EML4: variants seen among roughly 807,000 people sequenced by gnomAD.
EML4 encodes echinoderm microtubule-associated protein-like 4.
A neutral mutation model predicts 129.0 loss-of-function variants in EML4; 72 were observed. The ratio of observed to expected loss-of-function variants is 0.56; its 90% CI spans 0.46 to 0.68. EML4 has a LOEUF of 0.68. Among genes scored for constraint, EML4 ranks in the 30% least tolerant of loss-of-function variants. The pLI, the probability that EML4 is intolerant of heterozygous loss-of-function variation, is 0.00. For synonymous variants in EML4, 532 were observed against 405.0 expected, an observed-to-expected ratio of 1.31 and a Z score of -3.77; for missense variants, 1,363 against 1,190.6, an observed-to-expected ratio of 1.14 and a Z score of -2.13.
chr2:42,287,987 A>G (rs1476534906), intron 10 of EML4, among the ~76,000 whole-genome samples: 20 of 152,192 alleles, frequency 1.3e-4, no homozygotes, highest in Admixed American at 1.3e-3. Flanking sequence ...ACTAGATGGC[A>G]AGTGGAAATA....
intron 1 of EML4, among the ~76,000 whole-genome samples, chr2:42,198,695 G>C (rs952523387): frequency 3.3e-5 from 5 of 152,218 alleles, no homozygotes; most frequent in Admixed American, 3.3e-4. Context: ...GGAATTGAAA[G>C]CTGGAAGAGA....
At chr2:42,196,008 A>G (rs191009832) in intron 1 of EML4, among the ~76,000 whole-genome samples, 24 of 152,300 alleles carry the variant, frequency 1.6e-4, no homozygotes, top group African/African-American at 5.5e-4. Flanking sequence ...CTTCTATACT[A>G]TACATTGACC....
Position 42,230,859 on chromosome 2 carries a change from T to C in EML4, c.26-14646T>C, listed in dbSNP as rs543122886. 7.2e-5 allele frequency among the ~76,000 whole-genome samples: 11 copies of C among 152,346 alleles called. No individual in the cohort carries two copies. In the East Asian group the frequency reaches 1.2e-3, roughly 16 times the overall value. On this transcript the variant is annotated intron_variant, in intron 1 of 22. Coordinates refer to ENST00000318522, the MANE Select transcript of EML4 (RefSeq NM_019063.5). The stretch of plus-strand genomic sequence containing the variant: ...CTCTTCTCAGAAAAGGCTCATTCTT[T>C]GTCTTGTTTTTTCTATTTTAGCCCT...
chr2:42,245,565 C>T lies in EML4; in HGVS notation c.86C>T (p.Ser29Leu). The change falls in exon 2 of 23, where the codon TCA becomes TTA. Residue 29 changes from serine (S) to leucine (L), a missense_variant. Physicochemically the swap from Ser to Leu is moderately radical, Grantham distance 145 (BLOSUM62 -2). Transcript: ENST00000318522. The stretch of plus-strand genomic sequence containing the variant: ...CAAGATCGCCTGTCAGCTCTTGAGT[C>T]ACGAGTTCAGCAACAAGAAGATGAA... The part of the protein sequence containing the change: ...DVQDRLSALE[S>L]RVQQQEDEIT... The T allele has an allele frequency of 6.2e-7, 1 of 1,613,834 alleles. No individual in the cohort carries two copies. Among genetic ancestry groups the T allele is most frequent in the Non-Finnish European group, 8.5e-7 (1 of 1,179,862 alleles).
At chr2:42,274,760 A>G (rs978055594) in intron 6 of EML4, among the ~76,000 whole-genome samples, 3 of 152,190 alleles carry the variant, frequency 2.0e-5, no homozygotes, top group Admixed American at 2.0e-4. Context: ...AATTTGGGAC[A>G]CCTCGGAGTA....
chr2:42,267,334 A>G (rs1315933730), intron 6 of EML4, among the ~76,000 whole-genome samples: 7 of 152,204 alleles, frequency 4.6e-5, no homozygotes, highest in African/African-American at 1.7e-4. Flanking sequence ...TTGTATAGCT[A>G]TTTTAGAAGT....
intron 19 of EML4, among the ~76,000 whole-genome samples, chr2:42,324,188 A>G (rs1669670245): frequency 6.6e-6 from 1 of 151,694 alleles, no homozygotes; most frequent in Admixed American, 6.6e-5. Flanking sequence ...CCAGCTACTC[A>G]GGAGGCTGAG....
At chr2:42,325,392 G>T in intron 19 of EML4, 75 bp from the exon 20 acceptor site, 1 of 696,864 alleles carries the variant, frequency 1.4e-6, no homozygotes, top group Non-Finnish European at 2.6e-6. Flanking sequence ...TTCAGAAACA[G>T]TATTGGCTAG....
intron 6 of EML4, among the ~76,000 whole-genome samples, chr2:42,270,240 C>T (rs1437165810): frequency 6.6e-6 from 1 of 152,174 alleles, no homozygotes; most frequent in Admixed American, 6.5e-5. Flanking sequence ...AATACCTTCA[C>T]TAACTTGCTT....
intron 17 of EML4, among the ~76,000 whole-genome samples, chr2:42,310,806 A>T: frequency 6.6e-6 from 1 of 152,234 alleles, no homozygotes; most frequent in Non-Finnish European, 1.5e-5. Flanking sequence ...ATTTTTTTTT[A>T]ATTTGTAGAA....
intron 1 of EML4, among the ~76,000 whole-genome samples, chr2:42,175,860 T>G (rs1186950185): frequency 1.3e-5 from 2 of 152,206 alleles, no homozygotes; most frequent in African/African-American, 4.8e-5. Flanking sequence ...TAAATTATCT[T>G]TAGCCCATTT....
chr2:42,204,103 T>C lies in EML4; in HGVS notation c.25+34467T>C, dbSNP rs189946381. On this transcript the variant is annotated intron_variant, in intron 1 of 22. Transcript: ENST00000318522. The stretch of plus-strand genomic sequence containing the variant: ...CCGGGCTAATTTTTAAATTTTTTAA[T>C]AGAGATGGGTCTCACTTTGTTGCCC... 7.7e-4 allele frequency among the ~76,000 whole-genome samples: 117 copies of C among 152,196 alleles called. 2 individuals carry two copies. In the East Asian group the frequency reaches 0.016, roughly 21 times the overall value.
At chr2:42,268,079 C>G (rs905594657) in intron 6 of EML4, among the ~76,000 whole-genome samples, 5 of 152,188 alleles carry the variant, frequency 3.3e-5, no homozygotes, top group African/African-American at 1.2e-4. Context: ...CAAAATGATA[C>G]TGCCATTAAG....
At chr2:42,275,785 T>G (rs1380527161) in intron 6 of EML4, among the ~76,000 whole-genome samples, 3 of 152,208 alleles carry the variant, frequency 2.0e-5, no homozygotes, top group Non-Finnish European at 2.9e-5. Context: ...TGAGTCTGGT[T>G]ATATTTAAGT....
intron 1 of EML4, among the ~76,000 whole-genome samples, chr2:42,235,231 G>A (rs937615520): frequency 1.3e-5 from 2 of 151,902 alleles, no homozygotes; most frequent in Admixed American, 6.6e-5. Context: ...GGGAGGCAGA[G>A]GTTGCAGTGA....
intron 2 of EML4, 31 bp from the exon 3 acceptor site, chr2:42,256,470 T>C (rs2104357471): frequency 6.4e-7 from 1 of 1,567,138 alleles, no homozygotes; most frequent in African/African-American, 1.4e-5. Context: ...TATTCAAATT[T>C]GATATAATTT....
intron 5 of EML4, among the ~76,000 whole-genome samples, chr2:42,264,114 T>TTTG (rs1553379789): frequency 7.0e-6 from 1 of 143,410 alleles, no homozygotes; most frequent in Non-Finnish European, 1.5e-5. Context: ...TTTTTTTTTT[T>TTTG]TTTTTTTTTT....
intron 6 of EML4, among the ~76,000 whole-genome samples, chr2:42,274,089 A>T (rs12618609): frequency 3.3e-5 from 5 of 152,018 alleles, no homozygotes; most frequent in Non-Finnish European, 7.4e-5. Context: ...CCTTTTGTTT[A>T]ACTCTGTGGT....
intron 2 of EML4, among the ~76,000 whole-genome samples, chr2:42,254,290 A>G (rs551809003): frequency 1.3e-5 from 2 of 152,218 alleles, no homozygotes; most frequent in South Asian, 2.1e-4. Flanking sequence ...CCCTGTCTCT[A>G]CGAAAAAAAT....
Sources: allele counts gnomAD v4.1 joint callset (sites outside exome capture counted in the v4.1 genomes callset), GRCh38; gene constraint gnomAD v4.1.1; transcripts MANE v1.5; gene names NCBI Gene and HGNC (gene_info 2026-07-23, HGNC 2026-07-21).